ANGPT1: variants seen among roughly 807,000 people sequenced by gnomAD.
ANGPT1 encodes angiopoietin 1.
A neutral mutation model predicts 62.2 loss-of-function variants in ANGPT1; 17 were observed. The ratio of observed to expected loss-of-function variants is 0.27; its 90% CI spans 0.19 to 0.41. ANGPT1 has a LOEUF of 0.41. Among genes scored for constraint, ANGPT1 ranks in the 10% least tolerant of loss-of-function variants. The pLI is 1.00. For missense variants in ANGPT1, 478 were observed against 594.9 expected (o/e 0.80, Z 2.04); for synonymous variants, 199 against 198.9 (o/e 1.00, Z 0.00).
rs537372325 is a variant in ANGPT1, at chr8:107,406,658, G to C, written c.298-59561C>G. On this transcript the variant is annotated intron_variant, in intron 1 of 8. Transcript: ENST00000517746. ...AGTAAGATAAGGAAATTCAAATCCT[G>C]ATGTGTTGTGAGCGTCAGCAAATAC... Among the ~76,000 whole-genome samples the C allele has an allele frequency of 3.6e-4, 55 of 152,048 alleles. No homozygotes were observed. The South Asian group carries it at 0.01, about 29-fold the overall frequency.
intron 4 of ANGPT1, among the ~76,000 whole-genome samples, chr8:107,309,063 C>T (rs1444756922): frequency 6.6e-6 from 1 of 152,032 alleles, no homozygotes. Context: ...CAACACTAGC[C>T]GAGAACACAG....
intron 1 of ANGPT1, among the ~76,000 whole-genome samples, chr8:107,413,956 G>C (rs1418543340): frequency 6.6e-6 from 1 of 152,064 alleles, no homozygotes; most frequent in African/African-American, 2.4e-5. Flanking sequence ...TATTGGGAAA[G>C]GAAACATAGG....
At chr8:107,435,773 C>G (rs561431798) in intron 1 of ANGPT1, among the ~76,000 whole-genome samples, 1 of 152,270 alleles carries the variant, frequency 6.6e-6, no homozygotes, top group African/African-American at 2.4e-5. Flanking sequence ...CCGGGGATGA[C>G]GATAGGCACT....
chr8:107,397,951 T>C (rs1021335511), intron 1 of ANGPT1, among the ~76,000 whole-genome samples: 1 of 152,154 alleles, frequency 6.6e-6, no homozygotes, highest in African/African-American at 2.4e-5. Flanking sequence ...ATACCAAAGT[T>C]GAAACAAAAC....
intron 6 of ANGPT1, among the ~76,000 whole-genome samples, chr8:107,291,819 A>G (rs923909302): frequency 3.4e-5 from 5 of 146,574 alleles, no homozygotes; most frequent in Non-Finnish European, 7.5e-5. Flanking sequence ...AGGCCTTCAA[A>G]TCTGACCTAG....
At chr8:107,323,762 TTTG>T (rs1448321618) in intron 3 of ANGPT1, among the ~76,000 whole-genome samples, 1 of 151,908 alleles carries the variant, frequency 6.6e-6, no homozygotes, top group Admixed American at 6.6e-5. Flanking sequence ...TGTTTTGCTT[TTTG>T]TTGTTGTTGT....
intron 1 of ANGPT1, chr8:107,494,645 T>C (rs1237318825): frequency 1.3e-5 from 2 of 152,152 alleles, no homozygotes; most frequent in African/African-American, 2.4e-5. Flanking sequence ...GCCATAACAG[T>C]TCCAGTATTT....
Position 107,453,147 on chromosome 8 carries a change from C to T in ANGPT1, c.297+44115G>A, listed in dbSNP as rs149067391. On this transcript the variant is annotated intron_variant, in intron 1 of 8. Coordinates refer to ENST00000517746, the MANE Select transcript of ANGPT1 (RefSeq NM_001146.5). Reference sequence around the variant, plus strand: ...CTCACACAATGCTAACATAAACATACATTAATTTGGCACAGATTATCTGAA... The same window carrying T: ...CTCACACAATGCTAACATAAACATATATTAATTTGGCACAGATTATCTGAA... Among the ~76,000 whole-genome samples the T allele has an allele frequency of 2.2e-3, 339 of 152,116 alleles. 1 individual carries two copies. The highest frequency in any genetic ancestry group is 7.8e-3 in the African/African-American group (323 of 41,522).
At chr8:107,357,268 C>T (rs896680725) in intron 1 of ANGPT1, among the ~76,000 whole-genome samples, 1 of 152,266 alleles carries the variant, frequency 6.6e-6, no homozygotes, top group East Asian at 1.9e-4. Flanking sequence ...TAAAATTATA[C>T]TTAGATGACA....
intron 1 of ANGPT1, among the ~76,000 whole-genome samples, chr8:107,465,266 C>T (rs1202596517): frequency 2.0e-5 from 3 of 152,028 alleles, no homozygotes; most frequent in Non-Finnish European, 4.4e-5. Context: ...AAAACAAATG[C>T]ATTGTTAAAG....
intron 4 of ANGPT1, among the ~76,000 whole-genome samples, chr8:107,316,970 G>T (rs916098372): frequency 6.6e-6 from 1 of 152,136 alleles, no homozygotes; most frequent in African/African-American, 2.4e-5. Flanking sequence ...CCCTCATGTT[G>T]CTGTTGTAAG....
chr8:107,324,022 G>T (rs1815220044), intron 3 of ANGPT1, among the ~76,000 whole-genome samples: 1 of 151,400 alleles, frequency 6.6e-6, no homozygotes, highest in South Asian at 2.1e-4. Flanking sequence ...CTTGTGATCT[G>T]CCCGCCTCGG....
intron 1 of ANGPT1, among the ~76,000 whole-genome samples, chr8:107,425,210 G>C (rs144275192): frequency 2.2e-4 from 33 of 152,206 alleles, no homozygotes; most frequent in Admixed American, 7.2e-4. Context: ...TCTATGCATT[G>C]GAAAAATCAC....
intron 1 of ANGPT1, among the ~76,000 whole-genome samples, chr8:107,414,002 A>T (rs965406659): frequency 6.6e-6 from 1 of 152,136 alleles, no homozygotes; most frequent in Non-Finnish European, 1.5e-5. Context: ...AAATAAATTC[A>T]GGAAAAATGA....
chr8:107,256,146 C>T (rs1047301006), intron 8 of ANGPT1, among the ~76,000 whole-genome samples: 7 of 151,858 alleles, frequency 4.6e-5, no homozygotes, highest in African/African-American at 1.7e-4. Context: ...TATCTCAGAG[C>T]AACTGATAAT....
At chr8:107,465,836 C>G (rs542024738) in intron 1 of ANGPT1, among the ~76,000 whole-genome samples, 3 of 152,262 alleles carry the variant, frequency 2.0e-5, no homozygotes, top group African/African-American at 7.2e-5. Flanking sequence ...GCCATCACAC[C>G]ACTTACCTAA....
At chr8:107,484,457 A>G (rs962056293) in intron 1 of ANGPT1, among the ~76,000 whole-genome samples, 6 of 152,254 alleles carry the variant, frequency 3.9e-5, no homozygotes, top group Admixed American at 1.3e-4. Flanking sequence ...ACTGGAGTGC[A>G]GTGCCACGAT....
intron 1 of ANGPT1, among the ~76,000 whole-genome samples, chr8:107,365,860 C>T (rs1009189465): frequency 2.9e-5 from 4 of 138,876 alleles, no homozygotes; most frequent in Admixed American, 2.8e-4. Context: ...AAATACAACA[C>T]ACACACACAC....
chr8:107,464,617 C>T (rs866294475), intron 1 of ANGPT1, among the ~76,000 whole-genome samples: 1 of 152,034 alleles, frequency 6.6e-6, no homozygotes, highest in Non-Finnish European at 1.5e-5. Context: ...GAATCACGCT[C>T]TCTGAATTTT....
Sources: allele counts gnomAD v4.1 joint callset (sites outside exome capture counted in the v4.1 genomes callset), GRCh38; gene constraint gnomAD v4.1.1; transcripts MANE v1.5; gene names NCBI Gene and HGNC (gene_info 2026-07-23, HGNC 2026-07-21).